BRD7: variants seen among roughly 807,000 people sequenced by gnomAD.
BRD7 encodes the protein bromodomain-containing protein 7.
A neutral mutation model predicts 82.1 loss-of-function variants in BRD7; 15 were observed. The ratio of observed to expected loss-of-function variants is 0.18; its 90% confidence interval spans 0.12 to 0.28. The LOEUF (loss-of-function observed/expected upper bound fraction) is 0.28, where lower values mean the gene tolerates loss of function less well. BRD7 is among the 10% of genes least tolerant of loss of function. The pLI, the probability that BRD7 is intolerant of heterozygous loss-of-function variation, is 1.00. For missense variants in BRD7, 638 were observed against 779.9 expected, an observed-to-expected ratio of 0.82 and a Z score of 2.17; for synonymous variants, 232 against 266.9, an observed-to-expected ratio of 0.87 and a Z score of 1.27.
chr16:50,363,660 T>TGTGTGTGTGTGTGTGCGC (rs138025982), intron 2 of BRD7, among the ~76,000 whole-genome samples: 1 of 102,402 alleles, frequency 9.8e-6, no homozygotes, highest in Non-Finnish European at 2.8e-5. Context: ...TGTGTGTGTG[T>TGTGTGTGTGTGTGTGCGC]GCGCGCGCGC....
intron 2 of BRD7, among the ~76,000 whole-genome samples, chr16:50,362,963 C>G (rs1355689371): frequency 6.6e-6 from 1 of 152,208 alleles, no homozygotes; most frequent in Non-Finnish European, 1.5e-5. Flanking sequence ...GAACACCAGT[C>G]TCACAGGATT....
intron 2 of BRD7, among the ~76,000 whole-genome samples, chr16:50,365,619 T>C (rs901430192): frequency 3.9e-5 from 6 of 152,074 alleles, no homozygotes; most frequent in Non-Finnish European, 7.4e-5. Context: ...GAAAAGAATA[T>C]ACTGCATCTA....
At chr16:50,359,822 G>A (rs763232071) in intron 2 of BRD7, among the ~76,000 whole-genome samples, 7 of 148,568 alleles carry the variant, frequency 4.7e-5, no homozygotes, top group Non-Finnish European at 8.9e-5. Flanking sequence ...AGTAACATCT[G>A]AGCTGAGATC....
rs143161147 is a variant in BRD7 at position 50,342,680 on chromosome 16, G to A, written c.592-2594C>T. Among the ~76,000 whole-genome samples, 192 of 151,818 alleles carry A rather than the reference G, an allele frequency of 1.3e-3. 1 individual carries two copies. The highest frequency in any genetic ancestry group is 3.4e-3 in the Middle Eastern group (1 of 294). ...TTGTGATCCACCTGCCTCGGCCTCC[G>A]GAAGTGCTGGGATTACAGGTGTAAG... On this transcript the variant is annotated intron_variant, in intron 5 of 16. Transcript: ENST00000394688.
intron 7 of BRD7, 142 bp from the exon 8 acceptor site, chr16:50,333,839 C>A (rs895811088): frequency 5.7e-6 from 4 of 701,626 alleles, no homozygotes; most frequent in Admixed American, 5.8e-5. Flanking sequence ...TCCTTGATGA[C>A]CTGTTAAGGG....
At chr16:50,364,241 G>T (rs2039051074) in intron 2 of BRD7, among the ~76,000 whole-genome samples, 1 of 152,144 alleles carries the variant, frequency 6.6e-6, no homozygotes, top group African/African-American at 2.4e-5. Flanking sequence ...ACTGAGAGAA[G>T]AGTCGCCAGT....
At chr16:50,354,536 T>C in intron 3 of BRD7, 54 bp from the exon 4 acceptor site, 3 of 1,406,468 alleles carry the variant, frequency 2.1e-6, no homozygotes, top group Non-Finnish European at 3.0e-6. Context: ...TTCTAGAGAG[T>C]ATTATTTACT....
At chr16:50,358,012 C>G (rs1003375476) in intron 2 of BRD7, among the ~76,000 whole-genome samples, 53 of 151,838 alleles carry the variant, frequency 3.5e-4, no homozygotes, top group Admixed American at 9.9e-4. Context: ...AAACAAAAAC[C>G]CAAAACGGCC....
At chr16:50,343,360 G>A (rs2038150838) in intron 5 of BRD7, among the ~76,000 whole-genome samples, 1 of 152,182 alleles carries the variant, frequency 6.6e-6, no homozygotes, top group Non-Finnish European at 1.5e-5. Context: ...GGCCGAATAG[G>A]AACAGATCCA....
chr16:50,343,447 A>C (rs2038154609), intron 5 of BRD7, among the ~76,000 whole-genome samples: 1 of 152,164 alleles, frequency 6.6e-6, no homozygotes, highest in African/African-American at 2.4e-5. Flanking sequence ...GGTTCATCTC[A>C]CTGGGGCTTG....
In BRD7 at chr16:50,334,652, T is replaced by A. The variant is rs900047982; in HGVS notation, c.887+59A>T. ...CCAAGTCAGGCCCCGAATAAGTATT[T>A]TTCCCCCTTACTAGCTTGAAGAAGA... On this transcript the variant is annotated intron_variant, in intron 7 of 16. Coordinates refer to ENST00000394688, the MANE Select transcript of BRD7 (RefSeq NM_013263.5). 6.4e-6 allele frequency: 10 copies of A among 1,572,746 alleles called. No individual in the cohort carries two copies. In the African/African-American group the frequency reaches 6.8e-5, roughly 11 times the overall value.
At chr16:50,347,309 G>A (rs116908101) in intron 5 of BRD7, among the ~76,000 whole-genome samples, 7 of 152,220 alleles carry the variant, frequency 4.6e-5, no homozygotes, top group East Asian at 1.9e-4. Context: ...ATATCATACC[G>A]AAAGGCAAAA....
In BRD7 at chr16:50,320,275, C is replaced by T; in HGVS notation, c.1729G>A (p.Gly577Ser). 6.2e-7 allele frequency: 1 copy of T among 1,613,960 alleles called. No individual in the cohort carries two copies. The highest frequency in any genetic ancestry group is 8.5e-7 in the Non-Finnish European group (1 of 1,179,958). Reference protein sequence around the residue: ...RPPPNMICLLGPSYREMHLAE... With the variant: ...RPPPNMICLLSPSYREMHLAE... ...AGATGCATTTCTCTGTATGAGGGAC[C>T]CAAGAGACAGATCATGTTCGGAGGG... The change falls in exon 15 of 17, where the codon GGT becomes AGT. Residue 577 changes from glycine (G) to serine (S), a missense_variant. This residue lies in a region of BRD7 where 402 missense variants were observed against 500.8 expected (regional missense o/e 0.80). Coordinates refer to ENST00000394688, the MANE Select transcript of BRD7 (RefSeq NM_013263.5).
intron 8 of BRD7, among the ~76,000 whole-genome samples, chr16:50,331,267 C>T (rs1230707629): frequency 6.6e-6 from 1 of 152,198 alleles, no homozygotes; most frequent in East Asian, 1.9e-4. Context: ...AATGCTATTC[C>T]TATCAAATTC....
At chr16:50,360,672 T>C (rs888859112) in intron 2 of BRD7, among the ~76,000 whole-genome samples, 1 of 152,208 alleles carries the variant, frequency 6.6e-6, no homozygotes, top group African/African-American at 2.4e-5. Flanking sequence ...TGAGCTCCTG[T>C]AGGATTTTAT....
intron 5 of BRD7, among the ~76,000 whole-genome samples, chr16:50,344,858 G>C (rs1431989560): frequency 6.6e-6 from 1 of 152,160 alleles, no homozygotes; most frequent in African/African-American, 2.4e-5. Context: ...ATATTATCCA[G>C]GAGAACTTCC....
intron 4 of BRD7, among the ~76,000 whole-genome samples, chr16:50,354,035 T>A (rs1216284655): frequency 6.6e-6 from 1 of 152,254 alleles, no homozygotes; most frequent in Non-Finnish European, 1.5e-5. Flanking sequence ...TATGGTGTTT[T>A]ATTTTTTCTC....
rs57755008 is a variant in BRD7 at position 50,341,177 on chromosome 16, T to TACACACACAC, written c.592-1101_592-1092dup. On this transcript the variant is annotated intron_variant, in intron 5 of 16. Transcript: ENST00000394688. ...GAAAGCTATGGGACCAGACCTTAAG[T>TACACACACAC]ACACACACACACACACACACACACA... Among the ~76,000 whole-genome samples, 452 of 137,282 alleles carry TACACACACAC rather than the reference T, an allele frequency of 3.3e-3. 6 individuals carry two copies. Among genetic ancestry groups the TACACACACAC allele is most frequent in the Admixed American group, 4.9e-3 (68 of 13,832 alleles). The allele number at this position is 137,282 out of a possible 152,430, so 90.1% of individuals were successfully genotyped here.
chr16:50,320,706 T>C lies in BRD7; in HGVS notation c.1569A>G (p.Ala523=). Reference sequence around the variant, plus strand: ...CAACTGGAACGCCAAAATTTGTTACTGCTTTCAGCGCTATGAGCCTGTCTT... The same window carrying C: ...CAACTGGAACGCCAAAATTTGTTACCGCTTTCAGCGCTATGAGCCTGTCTT... ...STQDRLIALK[A]VTNFGVPVEV... is the part of the protein sequence containing the mutation. Residue 523 remains alanine, a synonymous_variant, in exon 14 of 17, where the codon GCA becomes GCG. Coordinates refer to ENST00000394688, the MANE Select transcript of BRD7 (RefSeq NM_013263.5). 1 of 1,614,202 alleles carries C rather than the reference T, an allele frequency of 6.2e-7. No homozygotes were observed. The highest frequency in any genetic ancestry group is 8.5e-7 in the Non-Finnish European group (1 of 1,180,014).
Sources: allele counts gnomAD v4.1 joint callset (sites outside exome capture counted in the v4.1 genomes callset), GRCh38; gene constraint gnomAD v4.1.1; regional missense constraint gnomAD v4.1.1; transcripts MANE v1.5; gene names NCBI Gene and HGNC (gene_info 2026-07-23, HGNC 2026-07-21).